LAIR1: variants seen among roughly 807,000 people sequenced by gnomAD.
LAIR1 encodes leukocyte-associated immunoglobulin-like receptor 1.
Under a neutral mutation model 32.8 loss-of-function variants are expected in LAIR1, and 24 were observed. That is an observed-to-expected ratio of 0.73 (90% CI 0.53 to 1.03). The LOEUF is 1.03. LAIR1 is among the 50% of genes least tolerant of loss of function. The probability of loss-of-function intolerance (pLI) is 0.00; values close to 1 mark genes in which losing one functional copy is unlikely to be tolerated. For missense variants in LAIR1, 355 were observed against 347.5 expected, an observed-to-expected ratio of 1.02 and a Z score of -0.17; for synonymous variants, 150 against 140.5, an observed-to-expected ratio of 1.07 and a Z score of -0.48.
In LAIR1 at chr19:54,356,158, C is replaced by A. The variant is rs561516535; in HGVS notation, c.664+72G>T. The A allele has an allele frequency of 6.3e-6, 9 of 1,435,866 alleles. No individual in the cohort carries two copies. The East Asian group carries it at 6.8e-5, about 11-fold the overall frequency. 88.9% of individuals were successfully genotyped at this position (1,435,866 alleles called of 1,614,324 possible). On this transcript the variant is annotated intron_variant, in intron 8 of 9. Transcript: ENST00000391742. The stretch of plus-strand genomic sequence containing the variant: ...CCCAAAGATTCTTCCCCCCACCCCC[C>A]ACATTGCATCTGGATTGGCACCAAG...
At chr19:54,359,405 C>G (rs1356260644) in intron 4 of LAIR1, among the ~76,000 whole-genome samples, 3 of 151,908 alleles carry the variant, frequency 2.0e-5, no homozygotes, top group Non-Finnish European at 4.4e-5. Context: ...ATGGCTTCAT[C>G]CTGGTCACCG....
chr19:54,375,728 T>G, the LAIR1 span, among the ~76,000 whole-genome samples: 14 of 151,992 alleles, frequency 9.2e-5, no homozygotes, highest in East Asian at 2.7e-3. Context: ...AACTTCCTTT[T>G]TGTGTGAACG....
upstream of LAIR1, among the ~76,000 whole-genome samples, chr19:54,373,175 G>C (rs1007928654): frequency 6.6e-6 from 1 of 150,718 alleles, no homozygotes; most frequent in African/African-American, 2.5e-5. Flanking sequence ...TGGTGTGGTG[G>C]CTCACGCCTG....
At chr19:54,361,365 C>T (rs1422773109) in intron 2 of LAIR1, 156 bp from the exon 3 acceptor site, 3 of 765,008 alleles carry the variant, frequency 3.9e-6, no homozygotes, top group East Asian at 4.9e-5. Flanking sequence ...ACGCCTCCTG[C>T]ACCTTCTACG....
chr19:54,365,602 C>A (rs992794924), upstream of LAIR1, among the ~76,000 whole-genome samples: 34 of 152,178 alleles, frequency 2.2e-4, no homozygotes, highest in Admixed American at 1.4e-3. Flanking sequence ...ACCAGCCTGG[C>A]CAACATAGTG....
At chr19:54,367,498 G>C (rs186570538), upstream of LAIR1, among the ~76,000 whole-genome samples, 22 of 152,168 alleles carry the variant, frequency 1.4e-4, no homozygotes, top group East Asian at 4.3e-3. Context: ...AATCTTCTCA[G>C]CATTTTGGGA....
Position 54,356,564 on chromosome 19 carries a change from G to T in LAIR1, c.510C>A (p.Val170=). ...GGAGACAGAAGAGGAAGACCACTGA[G>T]ACCCCGATGAGAATATACAGATGCT... The part of the protein sequence containing the change: ...KAEHLYILIG[V]SVVFLFCLLL... The change falls in exon 6 of 10, where the codon GTC becomes GTA. Residue 170 remains valine (V), a synonymous_variant. Coordinates refer to ENST00000391742, the MANE Select transcript of LAIR1 (RefSeq NM_002287.6). 1 of 1,614,000 alleles carries T rather than the reference G, an allele frequency of 6.2e-7. No homozygotes were observed. Among genetic ancestry groups the T allele is most frequent in the Non-Finnish European group, 8.5e-7 (1 of 1,179,986 alleles).
chr19:54,359,610 G>T (rs1455433992), intron 4 of LAIR1, among the ~76,000 whole-genome samples: 3 of 152,268 alleles, frequency 2.0e-5, no homozygotes, highest in Non-Finnish European at 2.9e-5. Context: ...ACGCCCACAA[G>T]GGGGCAGCGT....
rs1189431194 is a variant in LAIR1 at position 54,355,811 on chromosome 19, G to A, written c.717+143C>T. 2.1e-5 allele frequency: 14 copies of A among 661,160 alleles called. No individual in the cohort carries two copies. Among genetic ancestry groups the A allele is most frequent in the Middle Eastern group, 3.0e-4 (1 of 3,308 alleles). 41.0% of individuals were successfully genotyped at this position (661,160 alleles called of 1,614,324 possible). A position where few individuals can be genotyped will look rare whatever the true frequency, so the allele number is the denominator to read the frequency against. ...GAGCCTTCGGATGCACACAGCCCTG[G>A]GCGACCTCTCGACAGCAACCTCAGG... On this transcript the variant is annotated intron_variant, in intron 9 of 9. Transcript: ENST00000391742. This position sits in a 1 kb window ranked among gnomAD's most constrained non-coding sequence, Gnocchi z 4.7.
chr19:54,365,123 G>T (rs1013053654), upstream of LAIR1: 171 of 1,154,708 alleles, frequency 1.5e-4, 2 homozygotes, highest in Middle Eastern at 3.6e-4. Context: ...ATAAAGGTCG[G>T]GCAACCAATT....
At chr19:54,373,474 T>C (rs1231029707), upstream of LAIR1, among the ~76,000 whole-genome samples, 1 of 151,916 alleles carries the variant, frequency 6.6e-6, no homozygotes, top group Non-Finnish European at 1.5e-5. Context: ...AATAAATAAG[T>C]CGATAGACCA....
Position 54,352,962 on chromosome 19 carries a change from CAGCCTG to C in LAIR1, c.*2300_*2305del, listed in dbSNP as rs2081561247. The C allele has an allele frequency of 6.6e-6, 1 of 152,096 alleles. No homozygotes were observed. The highest frequency in any genetic ancestry group is 1.9e-4 in the East Asian group (1 of 5,192). The allele number at this position is 152,096 out of a possible 1,614,324, so 9.4% of individuals were successfully genotyped here. On this transcript the variant is annotated 3_prime_UTR_variant, in exon 10 of 10. Coordinates refer to ENST00000391742, the MANE Select transcript of LAIR1 (RefSeq NM_002287.6). ...TCACCTGAGGTCGGGAGTTCAAGAC[CAGCCTG>C]AGCAACATGGAGAGCCCCCCGTCTC... is the stretch of plus-strand genomic sequence containing the variant.
At chr19:54,367,156 CATT>C (rs1241929885), upstream of LAIR1, among the ~76,000 whole-genome samples, 1 of 152,150 alleles carries the variant, frequency 6.6e-6, no homozygotes, top group Non-Finnish European at 1.5e-5. Context: ...TGTGAAATGT[CATT>C]AAAAGATGAG....
At chr19:54,360,174 CCAGA>C in intron 3 of LAIR1, 102 bp from the exon 4 acceptor site, 4 of 303,128 alleles carry the variant, frequency 1.3e-5, no homozygotes, top group Non-Finnish European at 2.3e-5. Context: ...TCACGCAATC[CCAGA>C]CAATGTCTCG....
rs977043253 is a variant in LAIR1, at chr19:54,354,660, C to T, written c.*608G>A. On this transcript the variant is annotated 3_prime_UTR_variant, in exon 10 of 10. Coordinates refer to ENST00000391742, the MANE Select transcript of LAIR1 (RefSeq NM_002287.6). ...AGAGACCTATGCACCCAGGACCAGGCCTGGGGCTGCCAGATGTGAGGCCTT... is the reference window on the plus strand; with the variant it reads ...AGAGACCTATGCACCCAGGACCAGGTCTGGGGCTGCCAGATGTGAGGCCTT... 4 of 152,214 alleles carry T rather than the reference C, an allele frequency of 2.6e-5. No individual in the cohort carries two copies. Among genetic ancestry groups the T allele is most frequent in the African/African-American group, 4.8e-5 (2 of 41,436 alleles). The allele number at this position is 152,214 out of a possible 1,614,324, so 9.4% of individuals were successfully genotyped here.
At chr19:54,367,583 A>T (rs1033375848), upstream of LAIR1, among the ~76,000 whole-genome samples, 8 of 150,654 alleles carry the variant, frequency 5.3e-5, no homozygotes, top group African/African-American at 2.0e-4. Context: ...CGTCTCTACT[A>T]AAAATACAAA....
Position 54,351,887 on chromosome 19 carries a change from A to C in LAIR1, c.*3381T>G, listed in dbSNP as rs1442455843. ...CTAAAAGGTAAAAAAAAGTTAAAAA[A>C]AAGAAAAAAAAAGTCCACCCTATAG... On this transcript the variant is annotated 3_prime_UTR_variant, in exon 10 of 10. Transcript: ENST00000391742. The C allele has an allele frequency of 6.6e-6, 1 of 152,162 alleles. No individual in the cohort carries two copies. The allele number at this position is 152,162 out of a possible 1,614,324, so 9.4% of individuals were successfully genotyped here.
At chr19:54,362,686 A>T (rs1275740038) in intron 2 of LAIR1, among the ~76,000 whole-genome samples, 17 of 152,202 alleles carry the variant, frequency 1.1e-4, no homozygotes, top group Non-Finnish European at 2.1e-4. Flanking sequence ...GGTTTCCCCC[A>T]TGTTGTCCAG....
In LAIR1 at chr19:54,355,077, G is replaced by C. The variant is rs2081633748; in HGVS notation, c.*191C>G. ...CAAGGAGCTGCTCGATTGTAGAAGG[G>C]ACCACCTGGCTAACGAACCTTCTGG... On this transcript the variant is annotated 3_prime_UTR_variant, in exon 10 of 10. Transcript: ENST00000391742. The surrounding 1 kb of genome is among the most constrained non-coding windows in gnomAD (Gnocchi z 4.7). 1.8e-6 allele frequency: 1 copy of C among 562,014 alleles called. No homozygotes were observed. The highest frequency in any genetic ancestry group is 3.1e-5 in the East Asian group (1 of 32,730). The allele number at this position is 562,014 out of a possible 1,614,324, so 34.8% of individuals were successfully genotyped here. A position where few individuals can be genotyped will look rare whatever the true frequency, so the allele number is the denominator to read the frequency against.
Sources: gnomAD v4.1 joint callset for allele counts (sites outside exome capture counted in the v4.1 genomes callset) on GRCh38, gnomAD v4.1.1 for gene constraint, Gnocchi (gnomAD v3.1) non-coding constraint, MANE v1.5 for transcripts, NCBI Gene and HGNC (gene_info 2026-07-23, HGNC 2026-07-21) for gene names.